Variants in BLM observed in about 807,000 individuals in gnomAD.
The protein encoded by BLM is BLM RecQ like helicase.
BLM carries 95 observed loss-of-function variants against 135.3 expected under a neutral mutation model. That is an observed-to-expected ratio of 0.70 (90% CI 0.59 to 0.83). The LOEUF (loss-of-function observed/expected upper bound fraction) is 0.83, where lower values mean the gene tolerates loss of function less well. Ranked by LOEUF, BLM falls within the 40% of genes least tolerant of loss-of-function variation. BLM has a pLI of 0.00. For missense variants in BLM, 1,518 were observed against 1,663.9 expected (o/e 0.91, Z 1.53); for synonymous variants, 520 against 589.2 (o/e 0.88, Z 1.70).
At chr15:90,776,652 G>A (rs1896484356) in intron 12 of BLM, among the ~76,000 whole-genome samples, 1 of 152,112 alleles carries the variant, frequency 6.6e-6, no homozygotes, top group Non-Finnish European at 1.5e-5. Flanking sequence ...CCGCCAAGTA[G>A]CCAGGACTAC....
chr15:90,765,778 T>G (rs529937407), intron 9 of BLM, among the ~76,000 whole-genome samples: 1 of 152,358 alleles, frequency 6.6e-6, no homozygotes, highest in East Asian at 1.9e-4. Flanking sequence ...TTTTTTCTCA[T>G]GGCTGAGTTT....
Position 90,751,880 on chromosome 15 carries a change from C to T in BLM, c.893C>T (p.Thr298Met), listed in dbSNP as rs28384991. The T allele has an allele frequency of 3.7e-3, 5,892 of 1,612,942 alleles. 234 individuals carry two copies. The East Asian group carries it at 0.094, about 26-fold the overall frequency. Reference protein sequence around the residue: ...CIEFDDDDYDTDFVPPSPEEI... With the variant: ...CIEFDDDDYDMDFVPPSPEEI... ...GAATTTGATGATGATGATTATGATA[C>T]GGATTTTGTTCCACCTTCTCCAGAA... is the stretch of plus-strand genomic sequence containing the variant. Residue 298 changes from threonine to methionine, a missense_variant, in exon 4 of 22, where the codon ACG (threonine) becomes ATG (methionine). Thr to Met is a moderately conservative substitution (Grantham distance 81). Coordinates refer to ENST00000355112, the MANE Select transcript of BLM (RefSeq NM_000057.4).
At chr15:90,743,242 G>A (rs557592687) in intron 1 of BLM, among the ~76,000 whole-genome samples, 1 of 151,228 alleles carries the variant, frequency 6.6e-6, no homozygotes, top group Admixed American at 6.6e-5. Flanking sequence ...GCCTCCCAAA[G>A]TGCTGGGATT....
At chr15:90,809,384 GC>G in intron 20 of BLM, 125 bp downstream of exon 20, 1 of 1,494,934 alleles carries the variant, frequency 6.7e-7, no homozygotes, top group Non-Finnish European at 9.2e-7. Context: ...ATCCAAGTCA[GC>G]CCCCAGTGGT....
intron 12 of BLM, among the ~76,000 whole-genome samples, chr15:90,770,177 C>CCCCT (rs1555420977): frequency 2.2e-4 from 28 of 128,238 alleles, no homozygotes; most frequent in African/African-American, 8.2e-4. Context: ...TCCCCCCCCC[C>CCCCT]TTTTTTTTTT....
intron 14 of BLM, 116 bp downstream of exon 14, chr15:90,785,197 G>T: frequency 8.6e-7 from 1 of 1,169,126 alleles, no homozygotes; most frequent in Non-Finnish European, 1.2e-6. Flanking sequence ...ATCAAAATAA[G>T]ACTGAAATTT....
At chr15:90,726,041 A>G (rs1007712376) in intron 1 of BLM, among the ~76,000 whole-genome samples, 7 of 152,144 alleles carry the variant, frequency 4.6e-5, no homozygotes, top group African/African-American at 1.7e-4. Flanking sequence ...CCAACAATTT[A>G]TGGGGTACAT....
At chr15:90,743,057 C>T (rs916310448) in intron 1 of BLM, among the ~76,000 whole-genome samples, 2 of 149,264 alleles carry the variant, frequency 1.3e-5, no homozygotes, top group African/African-American at 5.0e-5. Context: ...GGAGCAGTGG[C>T]ACAGAATTGC....
intron 16 of BLM, among the ~76,000 whole-genome samples, chr15:90,795,537 C>A (rs1333130351): frequency 6.6e-6 from 1 of 152,046 alleles, no homozygotes; most frequent in African/African-American, 2.4e-5. Flanking sequence ...GAGCACAGGG[C>A]AGAACAGAGG....
intron 2 of BLM, among the ~76,000 whole-genome samples, chr15:90,748,091 C>A (rs1895555157): frequency 2.0e-5 from 3 of 151,216 alleles, no homozygotes; most frequent in South Asian, 4.2e-4. Flanking sequence ...CATGCATGAG[C>A]CACCGTGCCC....
Position 90,763,162 on chromosome 15 carries a change from G to A in BLM, c.2074+5G>A, listed in dbSNP as rs587779880. On this transcript the variant is annotated splice_donor_5th_base_variant and intron_variant, in intron 8 of 21. Transcript: ENST00000355112. ...GTTTTATCCTGATGCCGACTGGTAT[G>A]TATTTTTAGAAGTGAATTGGCAGGA... is the stretch of plus-strand genomic sequence containing the variant. The A allele has an allele frequency of 6.2e-7, 1 of 1,613,730 alleles. No homozygotes were observed. The highest frequency in any genetic ancestry group is 8.5e-7 in the Non-Finnish European group (1 of 1,179,696).
chr15:90,774,341 G>T (rs146554863), intron 12 of BLM, among the ~76,000 whole-genome samples: 1,975 of 151,358 alleles, frequency 0.013, 24 homozygotes, highest in Middle Eastern at 0.058. Flanking sequence ...CAAAGTGCTG[G>T]GCTTATAGGT....
chr15:90,731,128 A>G (rs908321183), intron 1 of BLM, among the ~76,000 whole-genome samples: 1 of 152,018 alleles, frequency 6.6e-6, no homozygotes, highest in African/African-American at 2.4e-5. Flanking sequence ...TTTTGTGGAG[A>G]TGAGATTTAA....
At chr15:90,732,282 A>T (rs1895088945) in intron 1 of BLM, among the ~76,000 whole-genome samples, 1 of 152,196 alleles carries the variant, frequency 6.6e-6, no homozygotes, top group Admixed American at 6.5e-5. Flanking sequence ...AAATCTACAG[A>T]AAAGAAAACC....
chr15:90,787,949 CA>C (rs11355198), intron 14 of BLM, among the ~76,000 whole-genome samples: 62,496 of 136,048 alleles, frequency 0.46, 14,806 homozygotes, highest in African/African-American at 0.7. Flanking sequence ...GACTCTATGT[CA>C]AAAAAAAAAA....
At chr15:90,790,538 G>A in intron 14 of BLM, 111 bp from the exon 15 acceptor site, 1 of 994,424 alleles carries the variant, frequency 1.0e-6, no homozygotes. Context: ...TTGTTATGTA[G>A]TGTGCATTTT....
intron 12 of BLM, among the ~76,000 whole-genome samples, chr15:90,775,197 A>G (rs1896440813): frequency 6.6e-6 from 1 of 152,200 alleles, no homozygotes. Flanking sequence ...TGGTAACTAA[A>G]TGGAATGAGA....
chr15:90,766,283 C>T (rs1490419584), intron 9 of BLM, among the ~76,000 whole-genome samples: 2 of 151,804 alleles, frequency 1.3e-5, no homozygotes. Context: ...CCCTGAAATA[C>T]ATTTATCTAA....
chr15:90,767,041 T>A lies in BLM; in HGVS notation c.2307+18T>A. The A allele has an allele frequency of 7.2e-7, 1 of 1,397,082 alleles. No individual in the cohort carries two copies. The highest frequency in any genetic ancestry group is 1.2e-5 in the South Asian group (1 of 80,566). The allele number at this position is 1,397,082 out of a possible 1,614,324, so 86.5% of individuals were successfully genotyped here. On this transcript the variant is annotated intron_variant, in intron 10 of 21. Transcript: ENST00000355112. ...CAGAAAAGGTTTGTATTTATATCAT[T>A]ATTTTAAAATATATTAAAGACCACT...
Sources: allele counts gnomAD v4.1 joint callset (sites outside exome capture counted in the v4.1 genomes callset), GRCh38; gene constraint gnomAD v4.1.1; transcripts MANE v1.5; gene names NCBI Gene and HGNC (gene_info 2026-07-23, HGNC 2026-07-21).